The following RBM19 variants were observed in gnomAD, a reference collection of about 807,000 sequenced individuals.
The protein encoded by RBM19 is RNA binding motif protein 19.
Under a neutral mutation model 116.8 loss-of-function variants are expected in RBM19, and 94 were observed. The observed-to-expected ratio is 0.80, with a 90% CI of 0.68 to 0.95. RBM19 has a LOEUF of 0.95. Among genes scored for constraint, RBM19 ranks in the 40% least tolerant of loss-of-function variants. The pLI, the probability that RBM19 is intolerant of heterozygous loss-of-function variation, is 0.00. For missense variants in RBM19, 1,161 were observed against 1,220.7 expected, an observed-to-expected ratio of 0.95 and a Z score of 0.73; for synonymous variants, 475 against 494.1, an observed-to-expected ratio of 0.96 and a Z score of 0.51.
At chr12:113,945,007 T>A (rs1025112196) in intron 13 of RBM19, among the ~76,000 whole-genome samples, 6 of 152,128 alleles carry the variant, frequency 3.9e-5, no homozygotes, top group African/African-American at 1.2e-4. Flanking sequence ...AGCAGATATG[T>A]CAGCTGTGTA....
At chr12:113,847,728 CCT>C (rs1204828915) in intron 22 of RBM19, among the ~76,000 whole-genome samples, 1 of 152,172 alleles carries the variant, frequency 6.6e-6, no homozygotes, top group Admixed American at 6.5e-5. Flanking sequence ...CCAACCCCAG[CCT>C]CTCTGTTTCC....
chr12:113,854,068 C>T lies in RBM19; in HGVS notation c.2664+4723G>A, dbSNP rs542857582. Among the ~76,000 whole-genome samples the T allele has an allele frequency of 8.5e-5, 13 of 152,144 alleles. No homozygotes were observed. In the East Asian group the frequency reaches 2.3e-3, roughly 27 times the overall value. On this transcript the variant is annotated intron_variant, in intron 22 of 23. Coordinates refer to ENST00000261741, the MANE Select transcript of RBM19 (RefSeq NM_016196.4). ...ATCAGTGAATGAAGGGAGGAGGAAT[C>T]CCTGAATGCAAGCTTTGGAATTAGA...
intron 17 of RBM19, among the ~76,000 whole-genome samples, chr12:113,925,991 G>A (rs1203663140): frequency 6.6e-6 from 1 of 152,212 alleles, no homozygotes; most frequent in African/African-American, 2.4e-5. Context: ...ACAAGTCTAA[G>A]GGTGGGTTTC....
At chr12:113,841,838 C>A (rs1373922996) in intron 23 of RBM19, among the ~76,000 whole-genome samples, 1 of 152,196 alleles carries the variant, frequency 6.6e-6, no homozygotes, top group African/African-American at 2.4e-5. Flanking sequence ...CACTTCCTTG[C>A]TGAGTAGACA....
intron 21 of RBM19, among the ~76,000 whole-genome samples, chr12:113,867,443 C>A (rs1878901388): frequency 6.6e-6 from 1 of 152,156 alleles, no homozygotes; most frequent in South Asian, 2.1e-4. Context: ...CTGATGTGCT[C>A]CGGCCTCCAG....
chr12:113,918,137 A>G lies in RBM19; in HGVS notation c.2441+255T>C, dbSNP rs552335865. ...ACTTGTTCCTTTTCTTATTAAAAAA[A>G]AAAAGAAAAAAAAAAGCCCCTGTGC... On this transcript the variant is annotated intron_variant, in intron 20 of 23. Coordinates refer to ENST00000261741, the MANE Select transcript of RBM19 (RefSeq NM_016196.4). 5.4e-5 allele frequency among the ~76,000 whole-genome samples: 7 copies of G among 129,310 alleles called. No individual in the cohort carries two copies. The East Asian group carries it at 1.1e-3, about 20-fold the overall frequency. The allele number at this position is 129,310 out of a possible 152,430, so 84.8% of individuals were successfully genotyped here.
chr12:113,861,073 C>A lies in RBM19; in HGVS notation c.2559-2177G>T, dbSNP rs565365836. 2.6e-5 allele frequency among the ~76,000 whole-genome samples: 4 copies of A among 152,300 alleles called. No individual in the cohort carries two copies. In the East Asian group the frequency reaches 7.7e-4, roughly 29 times the overall value. On this transcript the variant is annotated intron_variant, in intron 21 of 23. Transcript: ENST00000261741. ...GATGAAGAAACCAAGGCTCTGGGAG[C>A]CAGGGATCCTTCCTCACAGGCAACA...
At chr12:113,916,365 C>A (rs1451372489) in intron 20 of RBM19, among the ~76,000 whole-genome samples, 4 of 152,210 alleles carry the variant, frequency 2.6e-5, no homozygotes, top group Non-Finnish European at 5.9e-5. Context: ...TAAGATCACA[C>A]CACTGCAGTC....
At chr12:113,912,321 T>A (rs949795020) in intron 21 of RBM19, among the ~76,000 whole-genome samples, 1 of 152,072 alleles carries the variant, frequency 6.6e-6, no homozygotes, top group Non-Finnish European at 1.5e-5. Context: ...GAGACCTGAG[T>A]CTCTCCTGAA....
chr12:113,871,590 G>A (rs1258115066), intron 21 of RBM19, among the ~76,000 whole-genome samples: 1 of 152,176 alleles, frequency 6.6e-6, no homozygotes, highest in East Asian at 1.9e-4. Flanking sequence ...TTACCAAAAC[G>A]GACGACGGGG....
At position 113,915,766 on chromosome 12, in the gene RBM19, G is replaced by A. The variant is rs372560371; in HGVS notation, c.2442-681C>T. ...CACTGTAGAATGGGTGTAATGATAG[G>A]CCCACCTAATTTGATTGTTTGAAGA... On this transcript the variant is annotated intron_variant, in intron 20 of 23. Transcript: ENST00000261741. 6.4e-4 allele frequency among the ~76,000 whole-genome samples: 98 copies of A among 152,306 alleles called. 4 individuals are homozygous for A. The South Asian group carries it at 0.02, about 31-fold the overall frequency.
intron 21 of RBM19, among the ~76,000 whole-genome samples, chr12:113,889,707 C>G (rs1017811677): frequency 4.0e-5 from 6 of 151,392 alleles, no homozygotes; most frequent in African/African-American, 1.5e-4. Flanking sequence ...AAAACCCAAA[C>G]AAACAACGAA....
chr12:113,816,858 G>A (rs1164367744), exon 25 of RBM19: 1 of 152,228 alleles, frequency 6.6e-6, no homozygotes, highest in Non-Finnish European at 1.5e-5. Flanking sequence ...TTCACAGGAT[G>A]GGAGGATGGG....
At chr12:113,956,344 G>T (rs1315964155) in intron 6 of RBM19, among the ~76,000 whole-genome samples, 2 of 152,234 alleles carry the variant, frequency 1.3e-5, no homozygotes, top group Middle Eastern at 3.4e-3. Context: ...AATTTGGGAG[G>T]CTGAGGTGGG....
intron 21 of RBM19, among the ~76,000 whole-genome samples, chr12:113,877,407 G>A (rs1044961664): frequency 6.6e-6 from 1 of 152,196 alleles, no homozygotes; most frequent in South Asian, 2.1e-4. Flanking sequence ...GAGCCCTGTG[G>A]CCAGATCTGG....
chr12:113,929,221 C>T lies in RBM19; in HGVS notation c.2069-1992G>A, dbSNP rs141158237. ...TCACCGCCAAGCACAAAAGATGCCT[C>T]TGTCTGTCCTGCCCTTTCTGATGCA... On this transcript the variant is annotated intron_variant, in intron 16 of 23. Coordinates refer to ENST00000261741, the MANE Select transcript of RBM19 (RefSeq NM_016196.4). Among the ~76,000 whole-genome samples the T allele has an allele frequency of 3.2e-3, 493 of 152,348 alleles. 4 individuals carry two copies. The highest frequency in any genetic ancestry group is 0.011 in the African/African-American group (466 of 41,588).
At chr12:113,891,778 C>G (rs1880979262) in intron 21 of RBM19, among the ~76,000 whole-genome samples, 1 of 152,206 alleles carries the variant, frequency 6.6e-6, no homozygotes, top group Non-Finnish European at 1.5e-5. Flanking sequence ...CTTTTGCGAA[C>G]ACGCCTCTGT....
intron 13 of RBM19, among the ~76,000 whole-genome samples, chr12:113,944,200 C>T (rs751028078): frequency 1.0e-4 from 15 of 147,050 alleles, no homozygotes; most frequent in Non-Finnish European, 1.8e-4. Flanking sequence ...TGGGTTCAAG[C>T]GATTCTCCTG....
intron 23 of RBM19, among the ~76,000 whole-genome samples, chr12:113,827,134 A>G (rs1874936842): frequency 6.6e-6 from 1 of 152,244 alleles, no homozygotes; most frequent in Non-Finnish European, 1.5e-5. Flanking sequence ...CAAAAGCCTC[A>G]GTGGGTTTTC....
Sources: gnomAD v4.1 joint callset for allele counts (sites outside exome capture counted in the v4.1 genomes callset) on GRCh38, gnomAD v4.1.1 for gene constraint, MANE v1.5 for transcripts, NCBI Gene and HGNC (gene_info 2026-07-23, HGNC 2026-07-21) for gene names.